The following SLC14A2 variants were observed in gnomAD, a reference collection of about 807,000 sequenced individuals.
SLC14A2 encodes the protein solute carrier family 14 member 2, also known as urea transporter 2.
SLC14A2 carries 91 observed loss-of-function variants against 104.6 expected under a neutral mutation model. The ratio of observed to expected loss-of-function variants is 0.87; its 90% CI spans 0.73 to 1.04. The LOEUF (loss-of-function observed/expected upper bound fraction) is 1.04, where lower values mean the gene tolerates loss of function less well. SLC14A2 is among the 50% of genes least tolerant of loss of function. SLC14A2 has a pLI of 0.00. For missense variants in SLC14A2, 1,189 were observed against 1,156.0 expected (o/e 1.03, Z -0.41); for synonymous variants, 476 against 466.4 (o/e 1.02, Z -0.27).
intron 1 of SLC14A2, among the ~76,000 whole-genome samples, chr18:45,431,045 C>T (rs2086507115): frequency 6.6e-6 from 1 of 152,156 alleles, no homozygotes; most frequent in African/African-American, 2.4e-5. Flanking sequence ...AGTATTGGAT[C>T]TTATATAATC....
At chr18:45,489,173 G>A (rs2087671435) in intron 2 of SLC14A2, among the ~76,000 whole-genome samples, 1 of 152,108 alleles carries the variant, frequency 6.6e-6, no homozygotes, top group Non-Finnish European at 1.5e-5. Flanking sequence ...TCATAATAAT[G>A]GCTCATGATT....
chr18:45,231,358 A>C (rs2084172948), intron 1 of SLC14A2, among the ~76,000 whole-genome samples: 1 of 151,882 alleles, frequency 6.6e-6, no homozygotes, highest in South Asian at 2.1e-4. Flanking sequence ...ATGCATCACC[A>C]TGCCTGGCTA....
At chr18:45,443,578 G>A (rs1034233965) in intron 1 of SLC14A2, among the ~76,000 whole-genome samples, 4 of 152,090 alleles carry the variant, frequency 2.6e-5, no homozygotes, top group African/African-American at 7.2e-5. Context: ...AGGCAGTGGG[G>A]GTGGGGGAAG....
At chr18:45,575,988 G>C (rs1357674038) in intron 2 of SLC14A2, among the ~76,000 whole-genome samples, 1 of 151,982 alleles carries the variant, frequency 6.6e-6, no homozygotes, top group Non-Finnish European at 1.5e-5. Flanking sequence ...CTAACTTGAA[G>C]GATTTCAAAT....
chr18:45,204,579 A>G, the SLC14A2 span, among the ~76,000 whole-genome samples: 2 of 152,216 alleles, frequency 1.3e-5, no homozygotes, highest in Admixed American at 1.3e-4. Flanking sequence ...CACTCTCAAG[A>G]GTAATGCATG....
intron 2 of SLC14A2, among the ~76,000 whole-genome samples, chr18:45,606,068 G>T (rs1030593623): frequency 1.2e-4 from 19 of 152,124 alleles, no homozygotes; most frequent in Non-Finnish European, 2.1e-4. Flanking sequence ...CCAGCTGGAG[G>T]CGGGGAGGTG....
In SLC14A2 at chr18:45,639,798, C is replaced by T; in HGVS notation, c.896C>T (p.Pro299Leu). ...GVGQVYGCDN[P>L]WTGGVFLVAL... ...GGCCAGGTGTATGGCTGTGACAATC[C>T]CTGGACAGGCGGCGTGTTCCTGGTG... is the stretch of plus-strand genomic sequence containing the variant. Residue 299 changes from proline (P) to leucine (L), a missense_variant, in exon 7 of 20, where the codon CCC (proline) becomes CTC (leucine). Pro to Leu is a moderately conservative substitution (Grantham distance 98). Transcript: ENST00000255226. 6.2e-7 allele frequency: 1 copy of T among 1,613,964 alleles called. No individual in the cohort carries two copies.
chr18:45,195,260 A>G, the SLC14A2 span, among the ~76,000 whole-genome samples: 1 of 152,226 alleles, frequency 6.6e-6, no homozygotes, highest in African/African-American at 2.4e-5. Context: ...CAGGACGACA[A>G]AAGATGCTCC....
chr18:45,554,567 T>G (rs1184384629), intron 2 of SLC14A2, among the ~76,000 whole-genome samples: 1 of 152,080 alleles, frequency 6.6e-6, no homozygotes, highest in Non-Finnish European at 1.5e-5. Context: ...GCACAATTAC[T>G]GTCTGCGCAT....
Position 45,338,043 on chromosome 18 carries a change from A to G in SLC14A2, c.-125+124852A>G, listed in dbSNP as rs147484310. On this transcript the variant is annotated intron_variant, in intron 1 of 20. Coordinates refer to the SLC14A2 transcript ENST00000586448. ...ACCCTGCTCTCCACAACCCCCTTAT[A>G]TCTTACCTCAAGCATTTCCTTCTAC... is the stretch of plus-strand genomic sequence containing the variant. 4.4e-3 allele frequency among the ~76,000 whole-genome samples: 669 copies of G among 152,208 alleles called. 4 individuals carry two copies. The highest frequency in any genetic ancestry group is 0.015 in the African/African-American group (624 of 41,524).
At chr18:45,676,454 G>T (rs951471829) in intron 18 of SLC14A2, among the ~76,000 whole-genome samples, 4 of 151,814 alleles carry the variant, frequency 2.6e-5, no homozygotes, top group African/African-American at 9.7e-5. Flanking sequence ...TTCACTAAGG[G>T]ATATTCATGT....
intron 1 of SLC14A2, among the ~76,000 whole-genome samples, chr18:45,336,065 G>A (rs1038474355): frequency 2.6e-5 from 4 of 152,104 alleles, no homozygotes; most frequent in Admixed American, 1.3e-4. Context: ...GTTTTTTAAC[G>A]TGGCTGTTTT....
intron 5 of SLC14A2, among the ~76,000 whole-genome samples, chr18:45,636,605 T>C (rs1340403261): frequency 2.0e-5 from 3 of 152,206 alleles, no homozygotes; most frequent in Admixed American, 2.0e-4. Context: ...TGAACAATAG[T>C]CATTGTACAC....
intron 2 of SLC14A2, among the ~76,000 whole-genome samples, chr18:45,494,318 A>T (rs1207782147): frequency 1.3e-5 from 2 of 152,218 alleles, no homozygotes; most frequent in Non-Finnish European, 2.9e-5. Context: ...ATAGTCACTC[A>T]TCATCAACCC....
intron 2 of SLC14A2, among the ~76,000 whole-genome samples, chr18:45,514,608 G>A (rs759224027): frequency 1.3e-5 from 2 of 152,312 alleles, no homozygotes; most frequent in South Asian, 2.1e-4. Flanking sequence ...TACATTAGGT[G>A]AGCATCCTAA....
chr18:45,473,158 G>C (rs1014697554), intron 1 of SLC14A2, among the ~76,000 whole-genome samples: 1 of 152,140 alleles, frequency 6.6e-6, no homozygotes, highest in African/African-American at 2.4e-5. Context: ...GCTTGTTTTT[G>C]TCAGGTTTGT....
chr18:45,559,130 T>C (rs887901032), intron 2 of SLC14A2, among the ~76,000 whole-genome samples: 2 of 152,078 alleles, frequency 1.3e-5, no homozygotes, highest in Non-Finnish European at 2.9e-5. Flanking sequence ...CTAGGTGGAT[T>C]AGAGGGGGTT....
chr18:45,425,019 ATGT>A (rs1308274717), intron 1 of SLC14A2, among the ~76,000 whole-genome samples: 1 of 152,218 alleles, frequency 6.6e-6, no homozygotes, highest in Non-Finnish European at 1.5e-5. Context: ...TAGAGCACCC[ATGT>A]TTCACCAAGC....
chr18:45,667,386 C>T (rs545379904), intron 13 of SLC14A2, among the ~76,000 whole-genome samples: 2 of 152,264 alleles, frequency 1.3e-5, no homozygotes, highest in South Asian at 2.1e-4. Context: ...AGGTGTTTTT[C>T]GCATTGGGAT....
Sources: gnomAD v4.1 joint callset for allele counts (sites outside exome capture counted in the v4.1 genomes callset) on GRCh38, gnomAD v4.1.1 for gene constraint, MANE v1.5 for transcripts, NCBI Gene and HGNC (gene_info 2026-07-23, HGNC 2026-07-21) for gene names.